Variants in TBRG1 observed in about 807,000 individuals in gnomAD.
TBRG1 encodes the protein nuclear interactor of ARF and MDM2.
Under a neutral mutation model 44.0 loss-of-function variants are expected in TBRG1, and 31 were observed. The observed-to-expected ratio is 0.70, with a 90% CI of 0.53 to 0.95. TBRG1 has a LOEUF of 0.95. TBRG1 is among the 40% of genes least tolerant of loss of function. TBRG1 has a pLI of 0.00. For synonymous variants in TBRG1, 171 were observed against 188.1 expected (o/e 0.91, Z 0.74); for missense variants, 487 against 496.1 (o/e 0.98, Z 0.18).
chr11:124,629,027 A>G (rs1305936409), intron 5 of TBRG1, among the ~76,000 whole-genome samples: 1 of 152,260 alleles, frequency 6.6e-6, no homozygotes, highest in Non-Finnish European at 1.5e-5. Context: ...TAGTACTAAC[A>G]AGGAGGTATC....
chr11:124,626,048 A>G (rs2134326158), intron 3 of TBRG1, 145 bp downstream of exon 3: 1 of 1,228,308 alleles, frequency 8.1e-7, no homozygotes, highest in East Asian at 2.7e-5. Flanking sequence ...CCCTTGAGAA[A>G]ACAAATGTCA....
At position 124,634,382 on chromosome 11, in the gene TBRG1, AAACT is replaced by A. The variant is rs1261001212; in HGVS notation, c.*2146_*2149del. On this transcript the variant is annotated 3_prime_UTR_variant, in exon 9 of 9. Transcript: ENST00000441174. Reference sequence around the variant, plus strand: ...TGAAAAACACTGCCTTAGTATACTTAAACTATCTTTTCATCTATCAGATTGTTAA... The same window carrying A: ...TGAAAAACACTGCCTTAGTATACTTAATCTTTTCATCTATCAGATTGTTAA... 1.3e-5 allele frequency: 2 copies of A among 152,170 alleles called. No individual in the cohort carries two copies. Among genetic ancestry groups the A allele is most frequent in the Non-Finnish European group, 2.9e-5 (2 of 68,040 alleles). 9.4% of individuals were successfully genotyped at this position (152,170 alleles called of 1,614,324 possible). A position where few individuals can be genotyped will look rare whatever the true frequency, so the allele number is the denominator to read the frequency against.
At chr11:124,631,452 G>T in intron 8 of TBRG1, 35 bp downstream of exon 8, 2 of 1,609,826 alleles carry the variant, frequency 1.2e-6, no homozygotes, top group South Asian at 2.2e-5. Flanking sequence ...TTTGAAAATT[G>T]ACTGTGTTTA....
Position 124,623,054 on chromosome 11 carries a change from G to C in TBRG1, c.-30G>C. 6.6e-7 allele frequency: 1 copy of C among 1,520,568 alleles called. No individual in the cohort carries two copies. Among genetic ancestry groups the C allele is most frequent in the South Asian group, 1.3e-5 (1 of 79,192 alleles). The allele number at this position is 1,520,568 out of a possible 1,614,324, so 94.2% of individuals were successfully genotyped here. On this transcript the variant is annotated 5_prime_UTR_variant, in exon 1 of 9. Coordinates refer to ENST00000441174, the MANE Select transcript of TBRG1 (RefSeq NM_032811.3). The stretch of plus-strand genomic sequence containing the variant: ...CGACTTAGGATCCGATGCCGGCAGC[G>C]TCCTGGGGCCCCCGTAGCGGGGCTG...
chr11:124,631,582 A>C (rs1942611276), intron 8 of TBRG1, 165 bp downstream of exon 8: 3 of 725,476 alleles, frequency 4.1e-6, no homozygotes, highest in Admixed American at 2.4e-5. Flanking sequence ...TGCGGCCTGC[A>C]TAGCTTCCTA....
At chr11:124,632,030 TG>T in intron 8 of TBRG1, 62 bp from the exon 9 acceptor site, 1 of 1,512,786 alleles carries the variant, frequency 6.6e-7, no homozygotes. Flanking sequence ...TGTATATGTC[TG>T]ACCAAAACAG....
At chr11:124,628,675 G>T (rs970023961) in intron 5 of TBRG1, among the ~76,000 whole-genome samples, 1 of 152,126 alleles carries the variant, frequency 6.6e-6, no homozygotes, top group Admixed American at 6.5e-5. Flanking sequence ...ATAATATCCA[G>T]TGCTGGCCGG....
chr11:124,632,045 GC>G, intron 8 of TBRG1, 47 bp from the exon 9 acceptor site: 1 of 1,592,994 alleles, frequency 6.3e-7, no homozygotes, highest in Non-Finnish European at 8.6e-7. Flanking sequence ...AAAACAGTCT[GC>G]CCAGACTCCC....
rs1286713009 is a variant in TBRG1 at position 124,627,019 on chromosome 11, G to A, written c.707G>A (p.Cys236Tyr). ...KCPDQKCLYT[C>Y]QIKDGGVQPQ... ...CCAGACCAGAAGTGTCTATATACCT[G>A]TCAGATCAAGGATGGTGGTGTGCAG... Residue 236 changes from cysteine to tyrosine, a missense_variant, in exon 5 of 9, where the codon TGT becomes TAT. By Grantham distance (194) the Cys-to-Tyr change is radical. Transcript: ENST00000441174. The A allele has an allele frequency of 5.1e-6, 8 of 1,556,446 alleles. No homozygotes were observed. The highest frequency in any genetic ancestry group is 2.4e-5 in the South Asian group (2 of 84,472).
chr11:124,628,071 A>G (rs1387522955), intron 5 of TBRG1, among the ~76,000 whole-genome samples: 2 of 36,736 alleles, frequency 5.4e-5, no homozygotes, highest in Admixed American at 5.1e-4. Context: ...TGTTTTATAT[A>G]TATATATATA....
At chr11:124,624,695 C>T (rs142276853) in intron 1 of TBRG1, among the ~76,000 whole-genome samples, 1 of 152,168 alleles carries the variant, frequency 6.6e-6, no homozygotes, top group Admixed American at 6.5e-5. Flanking sequence ...AATAGTACCC[C>T]CTTTTCACTC....
intron 8 of TBRG1, 103 bp from the exon 9 acceptor site, chr11:124,631,990 A>T: frequency 1.0e-6 from 1 of 963,004 alleles, no homozygotes. Context: ...TGACAAATGC[A>T]AGGGTGTTAA....
intron 2 of TBRG1, 93 bp from the exon 3 acceptor site, chr11:124,625,578 A>C: frequency 9.0e-7 from 1 of 1,106,052 alleles, no homozygotes; most frequent in Non-Finnish European, 1.3e-6. Context: ...TAATCTTTGT[A>C]TATAATTCTG....
chr11:124,624,836 A>G, intron 1 of TBRG1, 95 bp from the exon 2 acceptor site: 3 of 824,010 alleles, frequency 3.6e-6, no homozygotes, highest in Non-Finnish European at 3.9e-6. Context: ...CAGTAATACA[A>G]GCTTTTTTGG....
At chr11:124,631,067 C>T (rs894332372) in intron 7 of TBRG1, 3 of 635,616 alleles carry the variant, frequency 4.7e-6, no homozygotes, top group Admixed American at 3.1e-5. Flanking sequence ...TCTGTATGTA[C>T]CATGACAGCA....
Position 124,630,803 on chromosome 11 carries a change from C to G in TBRG1, c.895C>G (p.Pro299Ala). The G allele has an allele frequency of 6.2e-7, 1 of 1,606,984 alleles. No individual in the cohort carries two copies. Residue 299 changes from proline (P) to alanine (A), a missense_variant, in exon 7 of 9, where the codon CCA becomes GCA. Physicochemically the swap from Pro to Ala is conservative, Grantham distance 27. Coordinates refer to ENST00000441174, the MANE Select transcript of TBRG1 (RefSeq NM_032811.3). ...AGCTGACTTTTTTGGATTTTCTCAT[C>G]CAGCCATCCACAACCTGATCCAGAG... ...AGADFFGFSH[P>A]AIHNLIQSCP...
rs762083108 is a variant in TBRG1, at chr11:124,630,438, TG to T, written c.790del (p.Ala264GlnfsTer12). On this transcript the variant is annotated frameshift_variant, in exon 6 of 9. Coordinates refer to ENST00000441174, the MANE Select transcript of TBRG1 (RefSeq NM_032811.3). LOFTEE classifies it high-confidence loss of function. ...CCCAGAATGCCATTGTCAGCTCTTCTGCAGATGCTTGTCATGCAGAACTGCT... is the reference window on the plus strand; with the variant it reads ...CCCAGAATGCCATTGTCAGCTCTTCTCAGATGCTTGTCATGCAGAACTGCT... Reference protein sequence around the residue: ...DPQNAIVSSSADACHAELLRT... With the variant: ...DPQNAIVSSSXDACHAELLRT... The T allele has an allele frequency of 6.2e-7, 1 of 1,613,956 alleles. No individual in the cohort carries two copies. Among genetic ancestry groups the T allele is most frequent in the Non-Finnish European group, 8.5e-7 (1 of 1,179,832 alleles).
intron 3 of TBRG1, 137 bp downstream of exon 3, chr11:124,626,040 C>T (rs1244529411): frequency 9.4e-6 from 12 of 1,277,980 alleles, no homozygotes; most frequent in Non-Finnish European, 1.0e-5. Context: ...CCTAGGAGCC[C>T]TTGAGAAAAC....
At chr11:124,626,022 T>A in intron 3 of TBRG1, 119 bp downstream of exon 3, 1 of 1,369,260 alleles carries the variant, frequency 7.3e-7, no homozygotes, top group Non-Finnish European at 9.7e-7. Context: ...ATCTGGTTCT[T>A]AAGGAGCCCT....
Sources: allele counts gnomAD v4.1 joint callset (sites outside exome capture counted in the v4.1 genomes callset), GRCh38; gene constraint gnomAD v4.1.1; transcripts MANE v1.5; gene names NCBI Gene and HGNC (gene_info 2026-07-23, HGNC 2026-07-21).